Variants in CLVS1 observed in about 807,000 individuals in gnomAD.
The protein encoded by CLVS1 is clavesin-1.
CLVS1 carries 10 observed loss-of-function variants against 33.1 expected under a neutral mutation model. That is an observed-to-expected ratio of 0.30 (90% CI 0.19 to 0.51). The LOEUF is 0.51. Ranked by LOEUF, CLVS1 falls within the 20% of genes least tolerant of loss-of-function variation. The pLI is 0.97. For synonymous variants in CLVS1, 163 were observed against 166.1 expected (o/e 0.98, Z 0.14); for missense variants, 343 against 433.4 (o/e 0.79, Z 1.85).
intron 5 of CLVS1, among the ~76,000 whole-genome samples, chr8:61,470,306 T>G (rs1817689892): frequency 6.6e-6 from 1 of 152,214 alleles, no homozygotes. Flanking sequence ...TACAGGGGCA[T>G]GTTTTCTCTT....
chr8:60,974,026 G>A, the CLVS1 span, among the ~76,000 whole-genome samples: 2 of 152,212 alleles, frequency 1.3e-5, no homozygotes, highest in Admixed American at 1.3e-4. Context: ...GACTTGAGAT[G>A]GTTTTGTCAG....
At chr8:61,409,255 CCTT>C (rs1815122401) in intron 3 of CLVS1, among the ~76,000 whole-genome samples, 1 of 152,134 alleles carries the variant, frequency 6.6e-6, no homozygotes, top group East Asian at 1.9e-4. Context: ...TCATTTCCAT[CCTT>C]CTTTTCCACA....
intron 2 of CLVS1, among the ~76,000 whole-genome samples, chr8:61,237,132 T>C (rs913201753): frequency 2.3e-4 from 35 of 152,200 alleles, no homozygotes; most frequent in African/African-American, 8.2e-4. Flanking sequence ...TGGACCTTTA[T>C]TATTAAACCC....
At chr8:60,966,195 G>A in the CLVS1 span, 4 of 332,552 alleles carry the variant, frequency 1.2e-5, no homozygotes, top group African/African-American at 6.5e-5. Context: ...AGATGTGAAT[G>A]AAAACAGCTG....
At chr8:61,112,209 C>CACACGCACACAT in intron 1 of CLVS1, among the ~76,000 whole-genome samples, 1 of 145,638 alleles carries the variant, frequency 6.9e-6, no homozygotes, top group African/African-American at 2.6e-5. Flanking sequence ...CACACACACA[C>CACACGCACACAT]ACACACACAC....
chr8:61,254,473 A>T (rs903041852), intron 2 of CLVS1, among the ~76,000 whole-genome samples: 3 of 152,192 alleles, frequency 2.0e-5, no homozygotes, highest in African/African-American at 7.2e-5. Flanking sequence ...TTAAGTCTGC[A>T]GAGGTTTCTG....
At chr8:61,360,311 G>T (rs1000829228) in intron 2 of CLVS1, among the ~76,000 whole-genome samples, 5 of 152,106 alleles carry the variant, frequency 3.3e-5, no homozygotes, top group Admixed American at 2.6e-4. Flanking sequence ...TTGGGACCTA[G>T]ATGATTCTAG....
chr8:61,246,166 ACTT>A (rs1808803220), intron 2 of CLVS1, among the ~76,000 whole-genome samples: 1 of 82,424 alleles, frequency 1.2e-5, no homozygotes, highest in Non-Finnish European at 2.7e-5. Context: ...TTCCTTCCCA[ACTT>A]TTTTTTTTTT....
intron 1 of CLVS1, among the ~76,000 whole-genome samples, chr8:61,089,049 G>A (rs1043510882): frequency 1.3e-4 from 20 of 152,094 alleles, no homozygotes; most frequent in African/African-American, 3.6e-4. Flanking sequence ...TGATCTGCCC[G>A]CCTCGTCCTC....
chr8:61,407,030 AG>A lies in CLVS1; in HGVS notation c.630+30253del, dbSNP rs1772628398. ...CATTATAATTAGTGATCATTTTAAT[AG>A]GATAAGATTTATCTTAGACACAGAT... On this transcript the variant is annotated intron_variant, in intron 3 of 5. Coordinates refer to ENST00000325897, the MANE Select transcript of CLVS1 (RefSeq NM_173519.3). 3.3e-5 allele frequency among the ~76,000 whole-genome samples: 5 copies of A among 152,372 alleles called. No individual in the cohort carries two copies. The South Asian group carries it at 1.0e-3, about 32-fold the overall frequency.
chr8:61,478,260 G>A (rs1008361440), intron 5 of CLVS1, among the ~76,000 whole-genome samples: 7 of 152,282 alleles, frequency 4.6e-5, no homozygotes, highest in East Asian at 1.9e-4. Context: ...TTTGGAATAG[G>A]TGTGGTGTGG....
intron 1 of CLVS1, among the ~76,000 whole-genome samples, chr8:61,118,832 A>C (rs1805797838): frequency 6.6e-6 from 1 of 152,184 alleles, no homozygotes; most frequent in African/African-American, 2.4e-5. Flanking sequence ...GTGGTGCTGA[A>C]AAAAATGTAT....
chr8:61,166,003 A>G (rs1458312561), intron 2 of CLVS1, among the ~76,000 whole-genome samples: 2 of 135,754 alleles, frequency 1.5e-5, no homozygotes, highest in Non-Finnish European at 3.2e-5. Flanking sequence ...AACGTGGGTT[A>G]CATATTTTTG....
the CLVS1 span, among the ~76,000 whole-genome samples, chr8:60,973,283 C>T: frequency 3.3e-5 from 5 of 152,310 alleles, no homozygotes; most frequent in Middle Eastern, 0.01. Context: ...ATTGTTTTCT[C>T]CTTATACAAA....
chr8:61,002,629 C>T, the CLVS1 span, among the ~76,000 whole-genome samples: 1 of 152,244 alleles, frequency 6.6e-6, no homozygotes, highest in Non-Finnish European at 1.5e-5. Flanking sequence ...TGCACCCAGC[C>T]TGTATGCTTG....
chr8:61,216,134 C>A (rs1808080979), intron 2 of CLVS1, among the ~76,000 whole-genome samples: 1 of 152,176 alleles, frequency 6.6e-6, no homozygotes, highest in Non-Finnish European at 1.5e-5. Flanking sequence ...ATTTAGAGTT[C>A]TCTTAATAAA....
At chr8:61,213,417 T>C (rs893654107) in intron 2 of CLVS1, among the ~76,000 whole-genome samples, 4 of 63,956 alleles carry the variant, frequency 6.3e-5, no homozygotes, top group African/African-American at 5.1e-4. Flanking sequence ...AGAAGAAGAA[T>C]TAGGACAGAT....
intron 2 of CLVS1, among the ~76,000 whole-genome samples, chr8:61,259,264 T>G (rs1809149236): frequency 6.6e-6 from 1 of 152,220 alleles, no homozygotes; most frequent in Non-Finnish European, 1.5e-5. Context: ...AGGGCTGACA[T>G]GAAAGGTGAT....
the CLVS1 span, among the ~76,000 whole-genome samples, chr8:61,011,249 T>C: frequency 6.6e-6 from 1 of 152,182 alleles, no homozygotes; most frequent in African/African-American, 2.4e-5. Context: ...CTGATCAACA[T>C]AGTGAGACCC....
Sources: gnomAD v4.1 joint callset for allele counts (sites outside exome capture counted in the v4.1 genomes callset) on GRCh38, gnomAD v4.1.1 for gene constraint, MANE v1.5 for transcripts, NCBI Gene and HGNC (gene_info 2026-07-23, HGNC 2026-07-21) for gene names.